Variants in GRID1 observed in about 807,000 individuals in gnomAD.
The protein encoded by GRID1 is glutamate ionotropic receptor delta type subunit 1, also known as glutamate receptor ionotropic, delta-1.
Under a neutral mutation model 98.0 loss-of-function variants are expected in GRID1, and 28 were observed. The ratio of observed to expected loss-of-function variants is 0.29; its 90% CI spans 0.21 to 0.39. The LOEUF (loss-of-function observed/expected upper bound fraction) is 0.39. Among genes scored for constraint, GRID1 ranks in the 10% least tolerant of loss-of-function variants. The pLI is 1.00. For synonymous variants in GRID1, 553 were observed against 538.5 expected (o/e 1.03, Z -0.37); for missense variants, 1,111 against 1,340.5 (o/e 0.83, Z 2.67).
At chr10:85,634,998 GAAAAAAAAAAAAA>G (rs140144576) in intron 13 of GRID1, among the ~76,000 whole-genome samples, 176 of 34,976 alleles carry the variant, frequency 5.0e-3, no homozygotes, top group Middle Eastern at 0.015. Flanking sequence ...GAGGAAATCT[GAAAAAAAAAAAAA>G]AAAAAAAAAA....
Position 85,701,762 on chromosome 10 carries a change from T to G in GRID1, c.1997+21241A>C, listed in dbSNP as rs11201736. On this transcript the variant is annotated intron_variant, in intron 12 of 15. Coordinates refer to ENST00000327946, the MANE Select transcript of GRID1 (RefSeq NM_017551.3). ...CAAACATCATATGTTCTCACTGATA[T>G]GTGAGAGCTAAGCTATGAGGAGGAA... Among the ~76,000 whole-genome samples, 440 of 152,194 alleles carry G rather than the reference T, an allele frequency of 2.9e-3. 1 individual carries two copies. The highest frequency in any genetic ancestry group is 0.01 in the African/African-American group (420 of 41,526).
At position 86,364,127 on chromosome 10, in the gene GRID1, T is replaced by C. The variant is rs376717242; in HGVS notation, c.80-31A>G. On this transcript the variant is annotated intron_variant, in intron 1 of 15. Transcript: ENST00000327946. ...GGAGAGAAGGGATCAAGACCGGACC[T>C]GGACAAGAACCCTCTCCCCGCTTCC... 663 of 1,602,660 alleles carry C rather than the reference T, an allele frequency of 4.1e-4. 1 individual carries two copies. Among genetic ancestry groups the C allele is most frequent in the Non-Finnish European group, 5.3e-4 (619 of 1,172,088 alleles).
intron 4 of GRID1, among the ~76,000 whole-genome samples, chr10:85,999,947 C>T (rs1842784942): frequency 6.6e-6 from 1 of 152,312 alleles, no homozygotes; most frequent in East Asian, 1.9e-4. Flanking sequence ...CATTCTTATT[C>T]CCCATCTTAC....
chr10:86,033,399 T>C (rs993136518), intron 4 of GRID1, among the ~76,000 whole-genome samples: 2 of 152,174 alleles, frequency 1.3e-5, no homozygotes, highest in African/African-American at 4.8e-5. Flanking sequence ...TGAGGATGAA[T>C]GATGCTTCAG....
At chr10:85,774,579 G>C (rs1842309740) in intron 8 of GRID1, among the ~76,000 whole-genome samples, 1 of 152,084 alleles carries the variant, frequency 6.6e-6, no homozygotes, top group South Asian at 2.1e-4. Context: ...CTACTCATCT[G>C]ACAAAGGGCT....
intron 12 of GRID1, among the ~76,000 whole-genome samples, chr10:85,708,159 C>G (rs1355815113): frequency 6.8e-6 from 1 of 146,794 alleles, no homozygotes; most frequent in Non-Finnish European, 1.5e-5. Context: ...ATCCCCAGCA[C>G]TTTGGGAGGC....
intron 12 of GRID1, among the ~76,000 whole-genome samples, chr10:85,652,983 A>T (rs1840845522): frequency 6.6e-6 from 1 of 152,238 alleles, no homozygotes. Context: ...GACAACAGCA[A>T]CAATACAATA....
intron 2 of GRID1, among the ~76,000 whole-genome samples, chr10:86,227,690 G>A (rs182252601): frequency 5.3e-4 from 81 of 152,174 alleles, no homozygotes; most frequent in Middle Eastern, 3.4e-3. Context: ...GAGGATGCTC[G>A]GCCCAGCTCC....
At chr10:86,340,462 GGAGA>G (rs1340560282) in intron 2 of GRID1, among the ~76,000 whole-genome samples, 1 of 152,176 alleles carries the variant, frequency 6.6e-6, no homozygotes, top group African/African-American at 2.4e-5. Flanking sequence ...GGGCACAGAG[GGAGA>G]GAGAGCCCAC....
At chr10:85,740,497 A>T (rs1298541772) in intron 8 of GRID1, among the ~76,000 whole-genome samples, 2 of 152,118 alleles carry the variant, frequency 1.3e-5, no homozygotes, top group Non-Finnish European at 2.9e-5. Flanking sequence ...AAAAAGTGGC[A>T]GGTGTCTCCC....
At chr10:86,139,536 TATCATGGCACCCCAGCCTGC>T (rs1844981652) in intron 3 of GRID1, among the ~76,000 whole-genome samples, 2 of 152,148 alleles carry the variant, frequency 1.3e-5, no homozygotes, top group Admixed American at 6.5e-5. Flanking sequence ...GCACAGCCTG[TATCATGGCACCCCAGCCTGC>T]ATCATGGCAC....
At chr10:85,873,657 C>T (rs780496768) in intron 5 of GRID1, among the ~76,000 whole-genome samples, 3 of 152,178 alleles carry the variant, frequency 2.0e-5, no homozygotes, top group East Asian at 1.9e-4. Context: ...ATTAGTGTAG[C>T]GTAACCCAAA....
intron 4 of GRID1, among the ~76,000 whole-genome samples, chr10:85,997,021 G>GA (rs959941375): frequency 4.6e-5 from 7 of 152,032 alleles, no homozygotes; most frequent in African/African-American, 1.4e-4. Flanking sequence ...TAGAGACAAA[G>GA]AAAAAAATCT....
intron 4 of GRID1, among the ~76,000 whole-genome samples, chr10:86,134,433 C>G (rs1247627272): frequency 6.6e-6 from 1 of 152,134 alleles, no homozygotes; most frequent in Non-Finnish European, 1.5e-5. Flanking sequence ...GAGATGAAGC[C>G]CAGGGCCAAA....
In GRID1 at chr10:86,206,360, T is replaced by C. The variant is rs377053171; in HGVS notation, c.520+4A>G. 3 of 1,588,486 alleles carry C rather than the reference T, an allele frequency of 1.9e-6. No homozygotes were observed. The highest frequency in any genetic ancestry group is 2.6e-6 in the Non-Finnish European group (3 of 1,163,356). ...AGCCCCAGCTCGCCTGCCGGACAACTCACCATACTCGCTGTCGTAGAACAT... is the reference window on the plus strand; with the variant it reads ...AGCCCCAGCTCGCCTGCCGGACAACCCACCATACTCGCTGTCGTAGAACAT... On this transcript the variant is annotated splice_donor_region_variant and intron_variant, in intron 3 of 15. Transcript: ENST00000327946. This position sits in a 1 kb window ranked among gnomAD's most constrained non-coding sequence, Gnocchi z 4.1.
intron 3 of GRID1, among the ~76,000 whole-genome samples, chr10:86,168,651 C>T (rs534846935): frequency 6.6e-6 from 1 of 152,198 alleles, no homozygotes; most frequent in Non-Finnish European, 1.5e-5. Context: ...CCTCAGCAAG[C>T]CCAGGGCAGA....
At chr10:86,244,442 TCTAA>T (rs1250926088) in intron 2 of GRID1, among the ~76,000 whole-genome samples, 7 of 152,202 alleles carry the variant, frequency 4.6e-5, no homozygotes, top group African/African-American at 1.4e-4. Context: ...CCCTAATTTC[TCTAA>T]CTATTACAGA....
intron 4 of GRID1, among the ~76,000 whole-genome samples, chr10:85,937,849 C>T (rs76088982): frequency 0.048 from 7,328 of 152,230 alleles, 247 homozygotes; most frequent in East Asian, 0.15. Context: ...AAGTGCCCAG[C>T]CCAGAATTCC....
At chr10:86,058,876 T>A (rs182467427) in intron 4 of GRID1, among the ~76,000 whole-genome samples, 2 of 152,300 alleles carry the variant, frequency 1.3e-5, no homozygotes, top group African/African-American at 4.8e-5. Flanking sequence ...GACACATGCA[T>A]CAATCAAATA....
Sources: allele counts gnomAD v4.1 joint callset (sites outside exome capture counted in the v4.1 genomes callset), GRCh38; gene constraint gnomAD v4.1.1; non-coding constraint Gnocchi (gnomAD v3.1); transcripts MANE v1.5; gene names NCBI Gene and HGNC (gene_info 2026-07-23, HGNC 2026-07-21).